The following CLVS1 variants were observed in gnomAD, a reference collection of about 807,000 sequenced individuals.
CLVS1 encodes clavesin 1.
CLVS1 carries 10 observed loss-of-function variants against 33.1 expected under a neutral mutation model. The ratio of observed to expected loss-of-function variants is 0.30; its 90% confidence interval spans 0.19 to 0.51. CLVS1 has a LOEUF of 0.51. CLVS1 is among the 20% of genes least tolerant of loss of function. The pLI, the probability that CLVS1 is intolerant of heterozygous loss-of-function variation, is 0.97. For missense variants in CLVS1, 343 were observed against 433.4 expected (o/e 0.79, Z 1.85); for synonymous variants, 163 against 166.1 (o/e 0.98, Z 0.14).
intron 1 of CLVS1, among the ~76,000 whole-genome samples, chr8:61,096,304 A>C (rs545481503): frequency 6.6e-6 from 1 of 152,364 alleles, no homozygotes; most frequent in African/African-American, 2.4e-5. Flanking sequence ...GGTTTGCGCA[A>C]GGGCGACTGC....
chr8:61,353,856 T>G (rs72657058), intron 2 of CLVS1, among the ~76,000 whole-genome samples: 1 of 148,984 alleles, frequency 6.7e-6, no homozygotes, highest in Non-Finnish European at 1.5e-5. Flanking sequence ...CTGACAATAA[T>G]AAAAAGAGAG....
intron 1 of CLVS1, among the ~76,000 whole-genome samples, chr8:61,075,736 T>C (rs948261678): frequency 6.6e-6 from 1 of 152,232 alleles, no homozygotes; most frequent in African/African-American, 2.4e-5. Flanking sequence ...AGCACCCTGA[T>C]TGCCCATGCA....
intron 2 of CLVS1, among the ~76,000 whole-genome samples, chr8:61,200,646 T>TA (rs1337911252): frequency 6.6e-6 from 1 of 152,242 alleles, no homozygotes; most frequent in Non-Finnish European, 1.5e-5. Context: ...GAATGCACAT[T>TA]AATGAAAATT....
intron 1 of CLVS1, among the ~76,000 whole-genome samples, chr8:61,076,949 G>C (rs191262433): frequency 6.6e-5 from 10 of 152,328 alleles, no homozygotes; most frequent in African/African-American, 2.4e-4. Context: ...CGGATGATCT[G>C]CGTTTCCCTG....
At chr8:61,379,087 A>G (rs924906388) in intron 3 of CLVS1, among the ~76,000 whole-genome samples, 1 of 152,194 alleles carries the variant, frequency 6.6e-6, no homozygotes, top group African/African-American at 2.4e-5. Flanking sequence ...CCTTCCTCCC[A>G]TGCACCCTCA....
intron 2 of CLVS1, among the ~76,000 whole-genome samples, chr8:61,368,141 T>A (rs1323405884): frequency 6.6e-6 from 1 of 152,226 alleles, no homozygotes; most frequent in Non-Finnish European, 1.5e-5. Flanking sequence ...ATCAAAGAAC[T>A]AGAGGGAAGA....
chr8:61,049,691 G>C, the CLVS1 span, among the ~76,000 whole-genome samples: 1 of 152,186 alleles, frequency 6.6e-6, no homozygotes, highest in Non-Finnish European at 1.5e-5. Context: ...ATTACACCAA[G>C]AAAGGTGTAC....
chr8:61,329,181 C>A (rs972505799), intron 2 of CLVS1, among the ~76,000 whole-genome samples: 44 of 151,708 alleles, frequency 2.9e-4, no homozygotes, highest in Admixed American at 2.5e-3. Context: ...AGAGAGTAGG[C>A]AGCATCTTCC....
At chr8:61,461,972 G>A (rs7841058) in intron 5 of CLVS1, among the ~76,000 whole-genome samples, 23,030 of 152,108 alleles carry the variant, frequency 0.15, 4,824 homozygotes, top group African/African-American at 0.47. Context: ...TCATAGTTAA[G>A]CAGAGAAATG....
chr8:61,088,276 G>C (rs954611334), intron 1 of CLVS1, among the ~76,000 whole-genome samples: 1 of 152,130 alleles, frequency 6.6e-6, no homozygotes, highest in African/African-American at 2.4e-5. Flanking sequence ...ATCACTTGAG[G>C]TCAGGAGTTC....
chr8:61,059,471 C>CATAAATATATATATATATAT (rs1292747857), intron 1 of CLVS1, among the ~76,000 whole-genome samples: 1 of 22,990 alleles, frequency 4.3e-5, no homozygotes, highest in Non-Finnish European at 8.2e-5. Flanking sequence ...TACATACATA[C>CATAAATATATATATATATAT]ATACATATAT....
chr8:61,482,707 G>T (rs1818243597), intron 5 of CLVS1, among the ~76,000 whole-genome samples: 1 of 152,070 alleles, frequency 6.6e-6, no homozygotes, highest in South Asian at 2.1e-4. Context: ...GGGACTATGT[G>T]AAAAGACCAA....
chr8:61,153,242 T>A (rs1157948146), intron 2 of CLVS1, among the ~76,000 whole-genome samples: 1 of 152,228 alleles, frequency 6.6e-6, no homozygotes, highest in Non-Finnish European at 1.5e-5. Context: ...ATTTGAGACA[T>A]CGTAAATAAG....
intron 5 of CLVS1, among the ~76,000 whole-genome samples, chr8:61,480,953 G>A (rs1410253809): frequency 1.3e-5 from 2 of 152,124 alleles, no homozygotes. Context: ...CATGGAAGAG[G>A]AATATTGTTG....
intron 1 of CLVS1, among the ~76,000 whole-genome samples, chr8:61,126,092 C>G (rs1805963542): frequency 6.6e-6 from 1 of 152,156 alleles, no homozygotes. Flanking sequence ...TACAGCCCCA[C>G]TGTGAGCCTT....
chr8:61,185,122 TA>T (rs1807316699), intron 2 of CLVS1, among the ~76,000 whole-genome samples: 1 of 151,732 alleles, frequency 6.6e-6, no homozygotes, highest in South Asian at 2.1e-4. Flanking sequence ...CAATTATGCT[TA>T]AATGCCATTA....
the CLVS1 span, among the ~76,000 whole-genome samples, chr8:60,997,940 GTGTGTGTGTGTGTGTTTGTGTGTA>G: frequency 2.0e-5 from 3 of 151,964 alleles, no homozygotes; most frequent in African/African-American, 7.3e-5. Flanking sequence ...GTGCTTGTGT[GTGTGTGTGTGTGTGTTTGTGTGTA>G]TGTGTGTGTT....
intron 1 of CLVS1, among the ~76,000 whole-genome samples, chr8:61,294,561 A>T (rs959608356): frequency 1.3e-5 from 2 of 152,158 alleles, no homozygotes; most frequent in Non-Finnish European, 2.9e-5. Flanking sequence ...ACATTATTTC[A>T]CAGAATTTTA....
At chr8:61,196,805 A>C (rs1019741258) in intron 2 of CLVS1, among the ~76,000 whole-genome samples, 1 of 152,220 alleles carries the variant, frequency 6.6e-6, no homozygotes, top group Non-Finnish European at 1.5e-5. Context: ...TTATTTAGGC[A>C]TGTGGCCATC....
Sources: allele counts gnomAD v4.1 joint callset (sites outside exome capture counted in the v4.1 genomes callset), GRCh38; gene constraint gnomAD v4.1.1; transcripts MANE v1.5; gene names NCBI Gene and HGNC (gene_info 2026-07-23, HGNC 2026-07-21).